Variants in PCDH9 observed in about 807,000 individuals in gnomAD.
PCDH9 encodes the protein protocadherin 9.
PCDH9 carries 24 observed loss-of-function variants against 70.6 expected under a neutral mutation model. The ratio of observed to expected loss-of-function variants is 0.34; its 90% confidence interval spans 0.25 to 0.48. The LOEUF (loss-of-function observed/expected upper bound fraction) is 0.48, where lower values mean the gene tolerates loss of function less well. Among genes scored for constraint, PCDH9 ranks in the 20% least tolerant of loss-of-function variants. The pLI, the probability that PCDH9 is intolerant of heterozygous loss-of-function variation, is 0.99. For synonymous variants in PCDH9, 562 were observed against 558.5 expected, an observed-to-expected ratio of 1.01 and a Z score of -0.09; for missense variants, 1,281 against 1,503.6, an observed-to-expected ratio of 0.85 and a Z score of 2.45.
chr13:67,124,154 A>C (rs1016477426), intron 2 of PCDH9, among the ~76,000 whole-genome samples: 2 of 152,158 alleles, frequency 1.3e-5, no homozygotes, highest in African/African-American at 4.8e-5. Context: ...TAACTACTAA[A>C]CATTGTCGAA....
chr13:67,100,551 C>T (rs1035888329), intron 2 of PCDH9, among the ~76,000 whole-genome samples: 5 of 152,096 alleles, frequency 3.3e-5, no homozygotes, highest in Admixed American at 6.6e-5. Context: ...ATGCTGTTAA[C>T]GCAAGAATTA....
chr13:66,648,497 A>C (rs2077803196), intron 3 of PCDH9, among the ~76,000 whole-genome samples: 1 of 152,252 alleles, frequency 6.6e-6, no homozygotes, highest in Non-Finnish European at 1.5e-5. Flanking sequence ...CCACAGTGTT[A>C]CTGACCTTGG....
At chr13:66,573,238 GA>G (rs1255098546) in intron 4 of PCDH9, among the ~76,000 whole-genome samples, 1 of 147,542 alleles carries the variant, frequency 6.8e-6, no homozygotes, top group East Asian at 2.0e-4. Flanking sequence ...CTCTTTTTGA[GA>G]AATGTCTATT....
chr13:67,216,487 A>G (rs2089604684), intron 2 of PCDH9: 1 of 151,662 alleles, frequency 6.6e-6, no homozygotes, highest in Non-Finnish European at 1.5e-5. Context: ...TTGAAATATT[A>G]TTACTCTATA....
At chr13:66,545,754 C>T (rs974622366) in intron 4 of PCDH9, among the ~76,000 whole-genome samples, 5 of 152,042 alleles carry the variant, frequency 3.3e-5, no homozygotes, top group Non-Finnish European at 7.4e-5. Flanking sequence ...TGATAATAAT[C>T]TACTCTGTTA....
At chr13:66,721,216 G>A (rs1245489466) in intron 3 of PCDH9, among the ~76,000 whole-genome samples, 3 of 152,148 alleles carry the variant, frequency 2.0e-5, no homozygotes, top group African/African-American at 7.2e-5. Flanking sequence ...ACGTGATAAG[G>A]AAAAACAATG....
chr13:67,217,545 T>C (rs2089636400), intron 2 of PCDH9: 2 of 152,146 alleles, frequency 1.3e-5, no homozygotes, highest in South Asian at 2.1e-4. Context: ...CTGAACATTG[T>C]CATGAAGCTA....
chr13:66,994,123 G>T (rs1405365459), intron 2 of PCDH9, among the ~76,000 whole-genome samples: 1 of 152,142 alleles, frequency 6.6e-6, no homozygotes, highest in Non-Finnish European at 1.5e-5. Context: ...AGTTATCAGA[G>T]ACTAAAAGTC....
intron 2 of PCDH9, among the ~76,000 whole-genome samples, chr13:67,192,263 C>T (rs1428345362): frequency 6.6e-6 from 1 of 151,976 alleles, no homozygotes; most frequent in South Asian, 2.1e-4. Flanking sequence ...TTTTCCAAAC[C>T]TACTATATTT....
At chr13:66,826,903 G>T (rs1381360374) in intron 3 of PCDH9, among the ~76,000 whole-genome samples, 1 of 152,148 alleles carries the variant, frequency 6.6e-6, no homozygotes, top group Non-Finnish European at 1.5e-5. Flanking sequence ...TTCAGAGGAT[G>T]TGCTAAATTA....
At chr13:66,903,151 C>G (rs1566279881) in intron 3 of PCDH9, among the ~76,000 whole-genome samples, 1 of 151,686 alleles carries the variant, frequency 6.6e-6, no homozygotes, top group East Asian at 1.9e-4. Flanking sequence ...ATAGTTGTGC[C>G]TTTCTTTTAG....
At chr13:67,042,895 T>G (rs2085150142) in intron 2 of PCDH9, among the ~76,000 whole-genome samples, 1 of 151,668 alleles carries the variant, frequency 6.6e-6, no homozygotes, top group Non-Finnish European at 1.5e-5. Context: ...AGAAATTACA[T>G]AAAAGGTAAT....
intron 4 of PCDH9, among the ~76,000 whole-genome samples, chr13:66,473,468 C>T (rs1360209432): frequency 4.0e-5 from 6 of 151,698 alleles, no homozygotes; most frequent in Non-Finnish European, 8.8e-5. Context: ...AGAATTATTA[C>T]AATAAATACT....
chr13:66,712,735 T>A (rs2078812244), intron 3 of PCDH9, among the ~76,000 whole-genome samples: 1 of 152,162 alleles, frequency 6.6e-6, no homozygotes, highest in Admixed American at 6.5e-5. Context: ...GAACTATTGA[T>A]GTTGCACACA....
intron 3 of PCDH9, among the ~76,000 whole-genome samples, chr13:66,869,881 G>C (rs2081643339): frequency 6.6e-6 from 1 of 152,126 alleles, no homozygotes; most frequent in Non-Finnish European, 1.5e-5. Context: ...TGGAAGGAAA[G>C]AAGAGAAGTG....
chr13:67,063,317 C>G (rs1411255663), intron 2 of PCDH9, among the ~76,000 whole-genome samples: 1 of 152,052 alleles, frequency 6.6e-6, no homozygotes, highest in Non-Finnish European at 1.5e-5. Flanking sequence ...TCACAAGGGA[C>G]CATCTACCAC....
intron 2 of PCDH9, among the ~76,000 whole-genome samples, chr13:67,078,753 A>C (rs932747956): frequency 1.1e-4 from 16 of 152,278 alleles, no homozygotes; most frequent in African/African-American, 3.8e-4. Flanking sequence ...TATCTTTGTA[A>C]GGAAGAAACA....
chr13:66,530,193 C>CT (rs1428277209), intron 4 of PCDH9, among the ~76,000 whole-genome samples: 6 of 152,030 alleles, frequency 3.9e-5, no homozygotes, highest in African/African-American at 1.4e-4. Flanking sequence ...ACCTAGGGTT[C>CT]TGAAGGTACT....
chr13:66,382,063 T>A (rs1004172837), intron 4 of PCDH9, among the ~76,000 whole-genome samples: 1 of 152,160 alleles, frequency 6.6e-6, no homozygotes, highest in Non-Finnish European at 1.5e-5. Flanking sequence ...TGATTTATTC[T>A]ACAAAGAAGT....
Sources: allele counts gnomAD v4.1 joint callset (sites outside exome capture counted in the v4.1 genomes callset), GRCh38; gene constraint gnomAD v4.1.1; transcripts MANE v1.5; gene names NCBI Gene and HGNC (gene_info 2026-07-23, HGNC 2026-07-21).